The following ARHGEF10 variants were observed in gnomAD, a reference collection of about 807,000 sequenced individuals.
ARHGEF10 encodes Rho guanine nucleotide exchange factor (GEF) 10.
Under a neutral mutation model 147.4 loss-of-function variants are expected in ARHGEF10, and 140 were observed. That is an observed-to-expected ratio of 0.95 (90% CI 0.83 to 1.09). The LOEUF is 1.09. Ranked by LOEUF, ARHGEF10 falls within the 50% of genes least tolerant of loss-of-function variation. The pLI, the probability that ARHGEF10 is intolerant of heterozygous loss-of-function variation, is 0.00. For missense variants in ARHGEF10, 2,222 were observed against 1,752.7 expected (o/e 1.27, Z -4.78); for synonymous variants, 902 against 695.8 (o/e 1.30, Z -4.67).
chr8:1,867,539 C>A (rs1008971384), intron 6 of ARHGEF10, among the ~76,000 whole-genome samples: 1 of 152,126 alleles, frequency 6.6e-6, no homozygotes, highest in Non-Finnish European at 1.5e-5. Flanking sequence ...TTAAAGCGAG[C>A]GCATTTCCAA....
chr8:1,856,770 T>A (rs1307442372), intron 2 of ARHGEF10, among the ~76,000 whole-genome samples: 1 of 152,170 alleles, frequency 6.6e-6, no homozygotes, highest in Non-Finnish European at 1.5e-5. Flanking sequence ...CCAGGCTCTG[T>A]CCCGAGGTGC....
chr8:1,842,046 GC>G lies in ARHGEF10; in HGVS notation c.-47-1305del, dbSNP rs1804128569. 2.7e-5 allele frequency among the ~76,000 whole-genome samples: 3 copies of G among 110,466 alleles called. No homozygotes were observed. In the East Asian group the frequency reaches 1.1e-3, roughly 39 times the overall value. 72.5% of individuals were successfully genotyped at this position (110,466 alleles called of 152,430 possible). On this transcript the variant is annotated intron_variant, in intron 1 of 28. Transcript: ENST00000349830. The stretch of plus-strand genomic sequence containing the variant: ...AACTGGGGCCGCGGCGGGAACTGGG[GC>G]CGCGGCGGGAACTGGGGCCGCGGCG...
At chr8:1,858,729 C>A (rs535094335) in intron 3 of ARHGEF10, 31 of 158,030 alleles carry the variant, frequency 2.0e-4, no homozygotes, top group Non-Finnish European at 3.6e-4. Context: ...GTAGCACCCG[C>A]CTCTCAGCTC....
intron 18 of ARHGEF10, among the ~76,000 whole-genome samples, chr8:1,911,762 C>T (rs1316399953): frequency 1.3e-5 from 2 of 152,200 alleles, no homozygotes; most frequent in African/African-American, 2.4e-5. Flanking sequence ...GACGTCCCTT[C>T]ACTCTGCTCA....
At position 1,956,872 on chromosome 8, in the gene ARHGEF10, A is replaced by G. The variant is rs147825414; in HGVS notation, c.3644A>G (p.Gln1215Arg). ...AGCCTGGCTCCTGGCCCCGAGCCTC[A>G]GGACGAAGACCAGAAGGACGCACTT... Reference protein sequence around the residue: ...RDSLAPGPEPQDEDQKDALPS... With the variant: ...RDSLAPGPEPRDEDQKDALPS... Residue 1215 changes from glutamine (Q) to arginine (R), a missense_variant, in exon 29 of 29, where the codon CAG becomes CGG. Coordinates refer to ENST00000349830, the MANE Select transcript of ARHGEF10 (RefSeq NM_014629.4). 1.2e-4 allele frequency: 191 copies of G among 1,614,156 alleles called. No homozygotes were observed. In the African/African-American group the frequency reaches 2.4e-3, roughly 20 times the overall value.
chr8:1,896,584 A>T, intron 14 of ARHGEF10, 135 bp downstream of exon 14: 4 of 734,296 alleles, frequency 5.4e-6, no homozygotes, highest in Non-Finnish European at 9.5e-6. Flanking sequence ...GATTAATGCT[A>T]GAAATGAAGA....
Position 1,937,123 on chromosome 8 carries a change from G to C in ARHGEF10, c.3222+3181G>C, listed in dbSNP as rs1813680945. On this transcript the variant is annotated intron_variant, in intron 26 of 28. Coordinates refer to ENST00000349830, the MANE Select transcript of ARHGEF10 (RefSeq NM_014629.4). This position sits in a 1 kb window ranked among gnomAD's most constrained non-coding sequence, Gnocchi z 4.9. ...GCTAGACAGGAACAGAAAATAGCTG[G>C]ACAGGGAGGTTGGGGTACATGTTAG... Among the ~76,000 whole-genome samples, 2 of 152,182 alleles carry C rather than the reference G, an allele frequency of 1.3e-5. No individual in the cohort carries two copies. Among genetic ancestry groups the C allele is most frequent in the South Asian group, 4.1e-4 (2 of 4,826 alleles).
intron 8 of ARHGEF10, among the ~76,000 whole-genome samples, chr8:1,877,928 C>T (rs912937044): frequency 8.6e-5 from 13 of 152,026 alleles, no homozygotes; most frequent in Non-Finnish European, 7.4e-5. Context: ...CCTCCGGTCC[C>T]CTAGTAACCC....
chr8:1,833,199 G>A (rs1377684649), intron 1 of ARHGEF10, among the ~76,000 whole-genome samples: 1 of 150,266 alleles, frequency 6.7e-6, no homozygotes, highest in Non-Finnish European at 1.5e-5. Context: ...CAGAAGCAGA[G>A]ACAGAGGCAG....
In ARHGEF10 at chr8:1,889,009, G is replaced by A. The variant is rs1317044861; in HGVS notation, c.1182+3302G>A. Among the ~76,000 whole-genome samples the A allele has an allele frequency of 5.0e-5, 4 of 79,710 alleles. 1 individual carries two copies. Among genetic ancestry groups the A allele is most frequent in the African/African-American group, 2.0e-4 (4 of 19,592 alleles). The allele number at this position is 79,710 out of a possible 152,430, so 52.3% of individuals were successfully genotyped here. Reference sequence around the variant, plus strand: ...GTGTGAGGGGTCTACAAGGAGTCACGGAGTGCAGTGAGAGTTGTGAGGAAA... The same window carrying A: ...GTGTGAGGGGTCTACAAGGAGTCACAGAGTGCAGTGAGAGTTGTGAGGAAA... On this transcript the variant is annotated intron_variant, in intron 11 of 28. Transcript: ENST00000349830.
intron 1 of ARHGEF10, among the ~76,000 whole-genome samples, chr8:1,835,996 A>G (rs1803555725): frequency 6.6e-6 from 1 of 152,084 alleles, no homozygotes; most frequent in African/African-American, 2.4e-5. Context: ...CCTGGCCAAC[A>G]TGGTGAAACC....
chr8:1,824,082 A>ACGGCGGGGAACAGCG lies in ARHGEF10; in HGVS notation c.-79_-78insCGGCGGGGAACAGCG, dbSNP rs2129024838. 1 of 141,438 alleles carries ACGGCGGGGAACAGCG rather than the reference A, an allele frequency of 7.1e-6. No homozygotes were observed. Among genetic ancestry groups the ACGGCGGGGAACAGCG allele is most frequent in the Non-Finnish European group, 1.5e-5 (1 of 64,888 alleles). 8.8% of individuals were successfully genotyped at this position (141,438 alleles called of 1,614,324 possible). A position where few individuals can be genotyped will look rare whatever the true frequency, so the allele number is the denominator to read the frequency against. ...ACAGCGGGGGACGGCGGGGAACAGC[A>ACGGCGGGGAACAGCG]GGGGACTGCGGGTCGCGTCCTGGCC... On this transcript the variant is annotated 5_prime_UTR_variant, in exon 1 of 29. Coordinates refer to ENST00000349830, the MANE Select transcript of ARHGEF10 (RefSeq NM_014629.4).
chr8:1,841,452 T>C (rs527477136), intron 1 of ARHGEF10, among the ~76,000 whole-genome samples: 1 of 152,164 alleles, frequency 6.6e-6, no homozygotes, highest in African/African-American at 2.4e-5. Context: ...ATGGAAACCA[T>C]TGGTTTATTG....
At chr8:1,920,719 T>C (rs1812219128) in intron 18 of ARHGEF10, among the ~76,000 whole-genome samples, 1 of 152,222 alleles carries the variant, frequency 6.6e-6, no homozygotes. Context: ...TTTTAAATTA[T>C]AAGCATTCTG....
chr8:1,841,007 G>T (rs1036813756), intron 1 of ARHGEF10, among the ~76,000 whole-genome samples: 4 of 152,196 alleles, frequency 2.6e-5, no homozygotes, highest in Non-Finnish European at 4.4e-5. Flanking sequence ...GTGGAGCGAT[G>T]ACCTCACTTG....
chr8:1,895,271 A>G (rs1218302400), intron 13 of ARHGEF10, among the ~76,000 whole-genome samples: 1 of 152,222 alleles, frequency 6.6e-6, no homozygotes, highest in Non-Finnish European at 1.5e-5. Context: ...GTTGGATTCT[A>G]CCTAGATGTA....
rs1383582453 is a variant in ARHGEF10 at position 1,850,620 on chromosome 8, G to A, written c.37+7184G>A. Among the ~76,000 whole-genome samples, 3 of 152,108 alleles carry A rather than the reference G, an allele frequency of 2.0e-5. No individual in the cohort carries two copies. In the South Asian group the frequency reaches 6.2e-4, roughly 31 times the overall value. On this transcript the variant is annotated intron_variant, in intron 2 of 28. Coordinates refer to ENST00000349830, the MANE Select transcript of ARHGEF10 (RefSeq NM_014629.4). ...GGTGGCTAGAGGGCGTGGGGCAGCC[G>A]CGTGGGAGGGCAGTTTGGTGGCTTC...
At chr8:1,861,358 G>A (rs1806116046) in intron 4 of ARHGEF10, among the ~76,000 whole-genome samples, 1 of 152,238 alleles carries the variant, frequency 6.6e-6, no homozygotes, top group Non-Finnish European at 1.5e-5. Flanking sequence ...GCCTCCTGCC[G>A]GCCCTGCTGT....
chr8:1,896,503 A>T, intron 14 of ARHGEF10, 54 bp downstream of exon 14: 1 of 1,250,082 alleles, frequency 8.0e-7, no homozygotes, highest in Non-Finnish European at 1.2e-6. Flanking sequence ...AACAAGTTAC[A>T]TGTCAAAGCT....
Sources: allele counts gnomAD v4.1 joint callset (sites outside exome capture counted in the v4.1 genomes callset), GRCh38; gene constraint gnomAD v4.1.1; non-coding constraint Gnocchi (gnomAD v3.1); transcripts MANE v1.5; gene names NCBI Gene and HGNC (gene_info 2026-07-23, HGNC 2026-07-21).